SGMS1: variants seen among roughly 807,000 people sequenced by gnomAD.
SGMS1 encodes phosphatidylcholine:ceramide cholinephosphotransferase 1.
SGMS1 carries 13 observed loss-of-function variants against 46.2 expected under a neutral mutation model. The observed-to-expected ratio is 0.28, with a 90% CI of 0.18 to 0.45. The LOEUF (loss-of-function observed/expected upper bound fraction) is 0.45, where lower values mean the gene tolerates loss of function less well. Ranked by LOEUF, SGMS1 falls within the 20% of genes least tolerant of loss-of-function variation. The pLI, the probability that SGMS1 is intolerant of heterozygous loss-of-function variation, is 1.00. For synonymous variants in SGMS1, 203 were observed against 187.8 expected, an observed-to-expected ratio of 1.08 and a Z score of -0.66; for missense variants, 324 against 519.9, an observed-to-expected ratio of 0.62 and a Z score of 3.66.
At chr10:50,525,626 G>C (rs1837893998) in intron 2 of SGMS1, among the ~76,000 whole-genome samples, 1 of 152,160 alleles carries the variant, frequency 6.6e-6, no homozygotes, top group Admixed American at 6.5e-5. Context: ...AGAATCAAAA[G>C]TAGAAAAGTA....
At chr10:50,362,069 A>G (rs1255265139) in intron 6 of SGMS1, among the ~76,000 whole-genome samples, 1 of 152,222 alleles carries the variant, frequency 6.6e-6, no homozygotes, top group East Asian at 1.9e-4. Flanking sequence ...AATGCATAGT[A>G]CACACTTAAT....
chr10:50,539,659 G>A (rs1424017448), intron 2 of SGMS1, among the ~76,000 whole-genome samples: 6 of 152,162 alleles, frequency 3.9e-5, no homozygotes, highest in South Asian at 2.1e-4. Flanking sequence ...ATCCCCACAT[G>A]TTTCTGATAC....
intron 8 of SGMS1, 56 bp downstream of exon 8, chr10:50,327,149 C>A: frequency 9.3e-7 from 1 of 1,071,938 alleles, no homozygotes; most frequent in South Asian, 1.4e-5. Flanking sequence ...CTCAAAGGAC[C>A]CCAGGGCAAG....
intron 6 of SGMS1, among the ~76,000 whole-genome samples, chr10:50,385,860 A>G (rs1589418418): frequency 6.6e-6 from 1 of 152,278 alleles, no homozygotes; most frequent in East Asian, 1.9e-4. Flanking sequence ...TAGCACATTA[A>G]CCAGATGATG....
At chr10:50,380,953 C>G (rs1848594841) in intron 6 of SGMS1, among the ~76,000 whole-genome samples, 1 of 151,612 alleles carries the variant, frequency 6.6e-6, no homozygotes, top group African/African-American at 2.4e-5. Context: ...ATCTCAGCCT[C>G]CTGAGTAGCT....
intron 5 of SGMS1, among the ~76,000 whole-genome samples, chr10:50,443,557 C>A (rs898422398): frequency 2.0e-5 from 3 of 151,594 alleles, no homozygotes; most frequent in Admixed American, 2.0e-4. Context: ...ACAAAAAAAT[C>A]TTTTAAAAAA....
chr10:50,599,445 G>A (rs1372653907), intron 1 of SGMS1, among the ~76,000 whole-genome samples: 1 of 148,918 alleles, frequency 6.7e-6, no homozygotes, highest in African/African-American at 2.5e-5. Context: ...TGGAAATTAA[G>A]AATATGACTG....
intron 6 of SGMS1, among the ~76,000 whole-genome samples, chr10:50,433,251 GA>G (rs1232941996): frequency 6.6e-6 from 1 of 152,134 alleles, no homozygotes; most frequent in Non-Finnish European, 1.5e-5. Context: ...CCACCAAATT[GA>G]CACACTCAAC....
At chr10:50,543,384 T>C (rs1838072798) in intron 2 of SGMS1, among the ~76,000 whole-genome samples, 1 of 151,988 alleles carries the variant, frequency 6.6e-6, no homozygotes, top group Non-Finnish European at 1.5e-5. Flanking sequence ...CCAAGGTGAG[T>C]AGATATACAC....
chr10:50,623,323 C>G (rs1390905164), intron 1 of SGMS1, among the ~76,000 whole-genome samples: 2 of 152,272 alleles, frequency 1.3e-5, no homozygotes, highest in East Asian at 1.9e-4. Context: ...GGGCTACTGC[C>G]CAAAGGCTCC....
intron 6 of SGMS1, among the ~76,000 whole-genome samples, chr10:50,357,366 A>AT (rs1047073805): frequency 1.3e-5 from 2 of 152,074 alleles, no homozygotes; most frequent in Non-Finnish European, 2.9e-5. Flanking sequence ...TCATTTATAA[A>AT]TTTTTTTTAT....
At chr10:50,597,569 A>T (rs1346729621) in intron 1 of SGMS1, among the ~76,000 whole-genome samples, 1 of 152,236 alleles carries the variant, frequency 6.6e-6, no homozygotes, top group Non-Finnish European at 1.5e-5. Context: ...AAAAAATTAT[A>T]AAGGCAGAGA....
intron 5 of SGMS1, among the ~76,000 whole-genome samples, chr10:50,434,282 A>G (rs984642219): frequency 9.9e-5 from 15 of 152,222 alleles, no homozygotes; most frequent in Non-Finnish European, 1.5e-5. Context: ...TTCCCTTCAG[A>G]GAAGGGCCCC....
intron 8 of SGMS1, among the ~76,000 whole-genome samples, chr10:50,317,802 C>CTTTT (rs143154915): frequency 1.3e-4 from 17 of 133,556 alleles, no homozygotes; most frequent in South Asian, 4.8e-4. Context: ...TTATTTCTTT[C>CTTTT]TTTTTTTTTT....
chr10:50,409,382 G>A (rs956053326), intron 6 of SGMS1, among the ~76,000 whole-genome samples: 1 of 152,010 alleles, frequency 6.6e-6, no homozygotes, highest in African/African-American at 2.4e-5. Flanking sequence ...CTTCAACCTC[G>A]CTGGATATAA....
chr10:50,415,484 C>T (rs1360565635), intron 6 of SGMS1, among the ~76,000 whole-genome samples: 1 of 152,146 alleles, frequency 6.6e-6, no homozygotes, highest in Non-Finnish European at 1.5e-5. Flanking sequence ...GTTCTTTCAA[C>T]ATGCTCAAGA....
At chr10:50,536,327 A>G (rs1015440395) in intron 2 of SGMS1, among the ~76,000 whole-genome samples, 2 of 152,194 alleles carry the variant, frequency 1.3e-5, no homozygotes, top group Non-Finnish European at 2.9e-5. Context: ...TCTCAAAAAA[A>G]TGAACAAAGA....
chr10:50,473,176 G>A (rs1837393507), intron 3 of SGMS1, among the ~76,000 whole-genome samples: 1 of 152,122 alleles, frequency 6.6e-6, no homozygotes, highest in Admixed American at 6.6e-5. Flanking sequence ...TCTACACTGT[G>A]TTTAATCTAC....
intron 6 of SGMS1, among the ~76,000 whole-genome samples, chr10:50,422,577 C>T (rs1849271229): frequency 6.6e-6 from 1 of 152,190 alleles, no homozygotes. Context: ...ACAAGTCATT[C>T]GATCTTCCCT....
Sources: allele counts gnomAD v4.1 joint callset (sites outside exome capture counted in the v4.1 genomes callset), GRCh38; gene constraint gnomAD v4.1.1; transcripts MANE v1.5; gene names NCBI Gene and HGNC (gene_info 2026-07-23, HGNC 2026-07-21).